Variants in CPO observed in about 807,000 individuals in gnomAD.
CPO encodes metallocarboxypeptidase C.
Under a neutral mutation model 41.2 loss-of-function variants are expected in CPO, and 43 were observed. That is an observed-to-expected ratio of 1.04 (90% CI 0.82 to 1.35). The LOEUF (loss-of-function observed/expected upper bound fraction) is 1.35. Among genes scored for constraint, CPO ranks in the 40% most tolerant of loss-of-function variants. The pLI is 0.00. For missense variants in CPO, 408 were observed against 451.7 expected (o/e 0.90, Z 0.88); for synonymous variants, 178 against 162.7 (o/e 1.09, Z -0.72).
At chr2:206,948,416 G>A (rs1490863641) in intron 1 of CPO, among the ~76,000 whole-genome samples, 1 of 152,170 alleles carries the variant, frequency 6.6e-6, no homozygotes, top group Non-Finnish European at 1.5e-5. Context: ...AGTTGCCAGG[G>A]GTTAGGGAAA....
chr2:206,958,725 CTAGTTTTTTTTTTTTT>C (rs1693419257), intron 4 of CPO, among the ~76,000 whole-genome samples: 1 of 56,630 alleles, frequency 1.8e-5, no homozygotes, highest in Non-Finnish European at 3.8e-5. Context: ...GGCAAATTTT[CTAGTTTTTTTTTTTTT>C]TTTTTTTTTT....
chr2:206,957,324 C>T (rs7583784), intron 3 of CPO, among the ~76,000 whole-genome samples: 14,344 of 150,238 alleles, frequency 0.095, 812 homozygotes, highest in East Asian at 0.22. Flanking sequence ...TGCAGTGAGC[C>T]GAGATCATGC....
chr2:206,967,351 A>ATATATC (rs1491129937), intron 7 of CPO, among the ~76,000 whole-genome samples: 11 of 138,870 alleles, frequency 7.9e-5, no homozygotes, highest in East Asian at 4.2e-4. Context: ...ATATATATAT[A>ATATATC]GATATATAGA....
chr2:206,969,355 C>T lies in CPO; in HGVS notation c.1044C>T (p.His348=), dbSNP rs1280613785. ...LSVLDDVYAK[H]WHSDSAGRVT... is the part of the protein sequence containing the mutation. ...TCCTGGATGATGTGTATGCGAAACA[C>T]TGGCACTCGGACAGTGCTGGAAGGG... Residue 348 remains histidine (H), a synonymous_variant, in exon 9 of 9, where the codon CAC becomes CAT. Transcript: ENST00000272852. 9 of 1,614,076 alleles carry T rather than the reference C, an allele frequency of 5.6e-6. 1 individual carries two copies. The Admixed American group carries it at 1.3e-4, about 24-fold the overall frequency.
At position 206,960,896 on chromosome 2, in the gene CPO, A is replaced by G. The variant is rs139971081; in HGVS notation, c.528A>G (p.Thr176=). ...CCCGTTCACCCCATAATAATGGCACATGTTTTGGGACGGATCTCAATCGAA... is the reference window on the plus strand; with the variant it reads ...CCCGTTCACCCCATAATAATGGCACGTGTTTTGGGACGGATCTCAATCGAA... ...RKSRSPHNNG[T]CFGTDLNRNF... Residue 176 remains threonine, a synonymous_variant, in exon 6 of 9, where the codon ACA becomes ACG. Coordinates refer to ENST00000272852, the MANE Select transcript of CPO (RefSeq NM_173077.3). 4 of 1,613,874 alleles carry G rather than the reference A, an allele frequency of 2.5e-6. No individual in the cohort carries two copies. Among genetic ancestry groups the G allele is most frequent in the Middle Eastern group, 1.6e-4 (1 of 6,062 alleles).
chr2:206,968,904 C>G (rs1026237495), intron 8 of CPO, among the ~76,000 whole-genome samples: 1 of 152,228 alleles, frequency 6.6e-6, no homozygotes, highest in Non-Finnish European at 1.5e-5. Flanking sequence ...CCAAGTCAGT[C>G]AGTGACTCAG....
At chr2:206,953,286 G>A (rs1693298773) in intron 2 of CPO, among the ~76,000 whole-genome samples, 1 of 152,102 alleles carries the variant, frequency 6.6e-6, no homozygotes, top group Non-Finnish European at 1.5e-5. Context: ...CTATAAGCCT[G>A]TAAAATCAAA....
intron 7 of CPO, among the ~76,000 whole-genome samples, chr2:206,966,517 C>T (rs1693579798): frequency 6.6e-6 from 1 of 152,178 alleles, no homozygotes; most frequent in African/African-American, 2.4e-5. Context: ...CTGCCCACCC[C>T]TCCCTCTCAT....
chr2:206,950,519 G>A (rs1452666694), intron 2 of CPO, among the ~76,000 whole-genome samples: 4 of 152,192 alleles, frequency 2.6e-5, no homozygotes, highest in African/African-American at 9.7e-5. Context: ...AGACAGTGTG[G>A]CGATTCCTCA....
chr2:206,952,732 GTCT>G (rs1428519202), intron 2 of CPO, among the ~76,000 whole-genome samples: 2 of 152,134 alleles, frequency 1.3e-5, no homozygotes. Context: ...CCATAATCAG[GTCT>G]TCTCTAATCT....
At chr2:206,946,351 G>C (rs1053528704) in intron 1 of CPO, among the ~76,000 whole-genome samples, 2 of 152,234 alleles carry the variant, frequency 1.3e-5, no homozygotes, top group Non-Finnish European at 2.9e-5. Context: ...AGTACTATCT[G>C]TTCTACCCAC....
intron 1 of CPO, among the ~76,000 whole-genome samples, chr2:206,947,430 A>C (rs1359071093): frequency 6.6e-6 from 1 of 152,212 alleles, no homozygotes; most frequent in African/African-American, 2.4e-5. Flanking sequence ...TGAATAGAAA[A>C]TGCAAAACTA....
At chr2:206,940,031 A>G (rs928914119) in intron 1 of CPO, among the ~76,000 whole-genome samples, 1 of 152,124 alleles carries the variant, frequency 6.6e-6, no homozygotes, top group African/African-American at 2.4e-5. Context: ...AAATGTTAAA[A>G]TGACCAAATA....
chr2:206,948,158 AT>A (rs1286542634), intron 1 of CPO, among the ~76,000 whole-genome samples: 1 of 152,230 alleles, frequency 6.6e-6, no homozygotes, highest in East Asian at 1.9e-4. Context: ...TAACTGCCAT[AT>A]CTTGGAAGCA....
chr2:206,940,229 T>C (rs1462965705), intron 1 of CPO, among the ~76,000 whole-genome samples: 1 of 152,156 alleles, frequency 6.6e-6, no homozygotes. Flanking sequence ...TTTTTCATTT[T>C]TACAAATAAT....
intron 4 of CPO, among the ~76,000 whole-genome samples, chr2:206,959,174 T>G (rs1344235136): frequency 2.6e-5 from 4 of 152,186 alleles, no homozygotes; most frequent in African/African-American, 7.2e-5. Flanking sequence ...AATCCTCCCT[T>G]GAGGGAATAA....
intron 4 of CPO, among the ~76,000 whole-genome samples, chr2:206,959,283 C>G (rs1285471378): frequency 6.6e-6 from 1 of 151,856 alleles, no homozygotes; most frequent in Non-Finnish European, 1.5e-5. Flanking sequence ...AGTGTTGTCC[C>G]CAGATCAACA....
chr2:206,955,803 G>A (rs1215550761), intron 3 of CPO, among the ~76,000 whole-genome samples: 1 of 152,102 alleles, frequency 6.6e-6, no homozygotes, highest in Non-Finnish European at 1.5e-5. Context: ...GACCATGGGG[G>A]TAGGGCTGAA....
At chr2:206,967,387 A>G (rs1693601797) in intron 7 of CPO, among the ~76,000 whole-genome samples, 1 of 150,784 alleles carries the variant, frequency 6.6e-6, no homozygotes, top group East Asian at 1.9e-4. Flanking sequence ...AGATATAGAT[A>G]ATGAGATTAA....
Sources: allele counts gnomAD v4.1 joint callset (sites outside exome capture counted in the v4.1 genomes callset), GRCh38; gene constraint gnomAD v4.1.1; transcripts MANE v1.5; gene names NCBI Gene and HGNC (gene_info 2026-07-23, HGNC 2026-07-21).